The following FTO variants were observed in gnomAD, a reference collection of about 807,000 sequenced individuals.
FTO encodes FTO alpha-ketoglutarate dependent dioxygenase.
FTO carries 47 observed loss-of-function variants against 63.9 expected under a neutral mutation model. That is an observed-to-expected ratio of 0.74 (90% CI 0.58 to 0.94). The LOEUF is 0.94. Among genes scored for constraint, FTO ranks in the 40% least tolerant of loss-of-function variants. FTO has a pLI of 0.00. For missense variants in FTO, 562 were observed against 618.1 expected (o/e 0.91, Z 0.96); for synonymous variants, 207 against 224.4 (o/e 0.92, Z 0.69).
chr16:53,977,950 C>G (rs1333698802), intron 8 of FTO, among the ~76,000 whole-genome samples: 3 of 152,098 alleles, frequency 2.0e-5, no homozygotes, highest in African/African-American at 7.2e-5. Context: ...CCTCAAACTC[C>G]TGGGCTCAGA....
chr16:53,732,210 G>T (rs1336696077), intron 1 of FTO, among the ~76,000 whole-genome samples: 2 of 151,734 alleles, frequency 1.3e-5, no homozygotes, highest in African/African-American at 4.8e-5. Context: ...CACCACGCCC[G>T]GCTAATTTCT....
At chr16:53,948,436 G>T (rs764492888) in intron 8 of FTO, among the ~76,000 whole-genome samples, 10 of 152,248 alleles carry the variant, frequency 6.6e-5, no homozygotes, top group Admixed American at 3.3e-4. Flanking sequence ...ACACTGTTAA[G>T]TTCAAGGCAA....
intron 7 of FTO, among the ~76,000 whole-genome samples, chr16:53,919,185 T>C (rs1410534980): frequency 1.3e-5 from 2 of 152,216 alleles, no homozygotes; most frequent in African/African-American, 4.8e-5. Context: ...ATGGAAATGA[T>C]AATACCTTTA....
intron 5 of FTO, among the ~76,000 whole-genome samples, chr16:53,874,785 A>C (rs2080599894): frequency 6.6e-6 from 1 of 152,164 alleles, no homozygotes. Flanking sequence ...TATTTAAACC[A>C]AGATGCCAGC....
intron 8 of FTO, among the ~76,000 whole-genome samples, chr16:54,083,599 G>A (rs3928987): frequency 0.42 from 64,351 of 151,828 alleles, 13,644 homozygotes; most frequent in Middle Eastern, 0.52. Flanking sequence ...TGACTGATGT[G>A]AGCTACGGTG....
intron 8 of FTO, among the ~76,000 whole-genome samples, chr16:53,987,918 T>G (rs1324485847): frequency 6.6e-6 from 1 of 152,226 alleles, no homozygotes; most frequent in Non-Finnish European, 1.5e-5. Context: ...AAAGTATTAT[T>G]AGTATATTAG....
At chr16:53,888,517 G>A (rs1374717321) in intron 6 of FTO, among the ~76,000 whole-genome samples, 1 of 129,490 alleles carries the variant, frequency 7.7e-6, no homozygotes, top group African/African-American at 2.7e-5. Flanking sequence ...ACAGCATCTT[G>A]CAATGTTGCC....
chr16:53,929,621 G>A (rs948818079), intron 7 of FTO, among the ~76,000 whole-genome samples: 2 of 152,170 alleles, frequency 1.3e-5, no homozygotes, highest in East Asian at 1.9e-4. Flanking sequence ...TTGCCAAACC[G>A]TTTGTCAGAA....
intron 8 of FTO, among the ~76,000 whole-genome samples, chr16:54,014,753 G>A (rs189531616): frequency 1.3e-4 from 20 of 151,248 alleles, no homozygotes; most frequent in Non-Finnish European, 2.2e-4. Flanking sequence ...ATTTGCACAC[G>A]TTTAGCTTGC....
Position 53,734,124 on chromosome 16 carries a change from C to T in FTO, c.45+29895C>T, listed in dbSNP as rs57706374. Among the ~76,000 whole-genome samples, 367 of 152,290 alleles carry T rather than the reference C, an allele frequency of 2.4e-3. 2 individuals are homozygous for T. Among genetic ancestry groups the T allele is most frequent in the African/African-American group, 8.2e-3 (341 of 41,574 alleles). On this transcript the variant is annotated intron_variant, in intron 1 of 8. Coordinates refer to ENST00000471389, the MANE Select transcript of FTO (RefSeq NM_001080432.3). Reference sequence around the variant, plus strand: ...TTAATGGTATTACCCAGGTCAAATCCATTAAGGAAATTCTCTGCCAGACCT... The same window carrying T: ...TTAATGGTATTACCCAGGTCAAATCTATTAAGGAAATTCTCTGCCAGACCT...
At chr16:53,937,255 A>G (rs2082411422) in intron 8 of FTO, 1 of 398,548 alleles carries the variant, frequency 2.5e-6, no homozygotes, top group African/African-American at 2.1e-5. Context: ...CCAGAGTTGA[A>G]TGATCCAAAG....
intron 1 of FTO, among the ~76,000 whole-genome samples, chr16:53,724,835 G>A (rs58722358): frequency 1.3e-5 from 2 of 152,070 alleles, no homozygotes; most frequent in Non-Finnish European, 2.9e-5. Context: ...TCTGAATCTG[G>A]GATTGAGAAC....
chr16:54,009,844 C>T (rs1251328122), intron 8 of FTO, among the ~76,000 whole-genome samples: 3 of 152,330 alleles, frequency 2.0e-5, no homozygotes, highest in Admixed American at 6.5e-5. Context: ...TACCCAGCCA[C>T]ACTCCTCAGT....
At chr16:53,955,408 G>A (rs1375812539) in intron 8 of FTO, among the ~76,000 whole-genome samples, 1 of 152,136 alleles carries the variant, frequency 6.6e-6, no homozygotes, top group Non-Finnish European at 1.5e-5. Flanking sequence ...GCAACAGGTA[G>A]GCAATTGGGG....
At chr16:53,792,195 A>T (rs1187330648) in intron 1 of FTO, among the ~76,000 whole-genome samples, 1 of 152,212 alleles carries the variant, frequency 6.6e-6, no homozygotes, top group Non-Finnish European at 1.5e-5. Context: ...TAAACCTCTA[A>T]AATAGTTACT....
chr16:54,105,771 C>CTGTGTG (rs57782663), intron 8 of FTO, among the ~76,000 whole-genome samples: 1,851 of 138,058 alleles, frequency 0.013, 26 homozygotes, highest in South Asian at 0.023. Context: ...AAGTTCTAGT[C>CTGTGTG]TGTGTGTGTG....
intron 6 of FTO, among the ~76,000 whole-genome samples, chr16:53,881,099 G>A (rs899746648): frequency 7.1e-6 from 1 of 141,480 alleles, no homozygotes; most frequent in African/African-American, 3.0e-5. Context: ...TCCAGCCTGG[G>A]CAACAGAGTG....
At chr16:53,710,379 C>T (rs1190346463) in intron 1 of FTO, among the ~76,000 whole-genome samples, 1 of 151,596 alleles carries the variant, frequency 6.6e-6, no homozygotes, top group African/African-American at 2.4e-5. Flanking sequence ...GATTCTTCTG[C>T]CTCAGCCTCC....
intron 8 of FTO, among the ~76,000 whole-genome samples, chr16:53,995,401 A>C (rs2083910980): frequency 6.6e-6 from 1 of 152,338 alleles, no homozygotes; most frequent in Admixed American, 6.5e-5. Context: ...TCGTCAGCCC[A>C]CACGATACCA....
Sources: gnomAD v4.1 joint callset for allele counts (sites outside exome capture counted in the v4.1 genomes callset) on GRCh38, gnomAD v4.1.1 for gene constraint, MANE v1.5 for transcripts, NCBI Gene and HGNC (gene_info 2026-07-23, HGNC 2026-07-21) for gene names.